Variants in CGAS observed in about 807,000 individuals in gnomAD.
The protein encoded by CGAS is cyclic GMP-AMP synthase.
In CGAS, 31 loss-of-function variants were observed where a neutral mutation model predicts 34.0. The ratio of observed to expected loss-of-function variants is 0.91; its 90% CI spans 0.69 to 1.23. The LOEUF (loss-of-function observed/expected upper bound fraction) is 1.23. Ranked by LOEUF, CGAS falls within the 50% of genes most tolerant of loss-of-function variation. The pLI, the probability that CGAS is intolerant of heterozygous loss-of-function variation, is 0.00. For synonymous variants in CGAS, 266 were observed against 260.0 expected, an observed-to-expected ratio of 1.02 and a Z score of -0.22; for missense variants, 597 against 657.6, an observed-to-expected ratio of 0.91 and a Z score of 1.01.
At chr6:73,444,256 G>A (rs1770430486) in intron 2 of CGAS, among the ~76,000 whole-genome samples, 1 of 151,860 alleles carries the variant, frequency 6.6e-6, no homozygotes, top group Non-Finnish European at 1.5e-5. Flanking sequence ...CCAAAGTGCT[G>A]GGATTACAGG....
At position 73,451,948 on chromosome 6, in the gene CGAS, C is replaced by T; in HGVS notation, c.234G>A (p.Gly78=). Residue 78 remains glycine (G), a synonymous_variant, in exon 1 of 5, where the codon GGG becomes GGA. Transcript: ENST00000370315. ...GCTGAGGGGCCTTTTTGGCGCGGGCCCCAGTTGCGCGGACGGGCGGCCTCT... is the reference window on the plus strand; with the variant it reads ...GCTGAGGGGCCTTTTTGGCGCGGGCTCCAGTTGCGCGGACGGGCGGCCTCT... The part of the protein sequence containing the change: ...TQERPPVRAT[G]ARAKKAPQRA... 1 of 1,491,862 alleles carries T rather than the reference C, an allele frequency of 6.7e-7. No individual in the cohort carries two copies. Among genetic ancestry groups the T allele is most frequent in the African/African-American group, 1.4e-5 (1 of 70,640 alleles). The allele number at this position is 1,491,862 out of a possible 1,614,324, so 92.4% of individuals were successfully genotyped here.
rs1322646569 is a variant in CGAS, at chr6:73,440,438, A to G, written c.885T>C (p.Asp295=). ...CTCCTCTTTTCCTCTTCATGATGAC[A>G]TCTGTATCTGGTTGAACATATAAAA... The part of the protein sequence containing the change: ...KEEINDIKDT[D]VIMKRKRGGS... Residue 295 remains aspartate (D), a synonymous_variant, in exon 3 of 5, where the codon GAT becomes GAC. Transcript: ENST00000370315. 6.2e-7 allele frequency: 1 copy of G among 1,610,094 alleles called. No individual in the cohort carries two copies. Among genetic ancestry groups the G allele is most frequent in the Non-Finnish European group, 8.5e-7 (1 of 1,177,534 alleles).
chr6:73,451,639 C>T lies in CGAS; in HGVS notation c.543G>A (p.Thr181=). 2 of 1,614,158 alleles carry T rather than the reference C, an allele frequency of 1.2e-6. No individual in the cohort carries two copies. The highest frequency in any genetic ancestry group is 1.7e-6 in the Non-Finnish European group (2 of 1,180,030). The part of the protein sequence containing the change: ...KLKLSRDDIS[T]AAGMVKGVVD... Reference sequence around the variant, plus strand: ...CAACCCCTTTCACCATCCCCGCCGCCGTGGAGATATCATCGCGGCTGAGCT... The same window carrying T: ...CAACCCCTTTCACCATCCCCGCCGCTGTGGAGATATCATCGCGGCTGAGCT... Residue 181 remains threonine, a synonymous_variant, in exon 1 of 5, where the codon ACG becomes ACA. Transcript: ENST00000370315.
rs575356584 is a variant in CGAS at position 73,442,404 on chromosome 6, C to CTTTTTTTT, written c.878-1967_878-1960dup. Among the ~76,000 whole-genome samples the CTTTTTTTT allele has an allele frequency of 3.6e-4, 50 of 140,780 alleles. 1 individual carries two copies. The highest frequency in any genetic ancestry group is 1.2e-3 in the African/African-American group (44 of 37,772). The allele number at this position is 140,780 out of a possible 152,430, so 92.4% of individuals were successfully genotyped here. A position where few individuals can be genotyped will look rare whatever the true frequency, so the allele number is the denominator to read the frequency against. On this transcript the variant is annotated intron_variant, in intron 2 of 4. Transcript: ENST00000370315. ...TCTTTCTGCTTCCTTCCAGCCCAAA[C>CTTTTTTTT]TTTTTTTTTTTTTTGAGACAGGGTC...
At chr6:73,428,832 CA>C in intron 3 of CGAS, 21 bp from the exon 4 acceptor site, 1 of 1,583,656 alleles carries the variant, frequency 6.3e-7, no homozygotes, top group Non-Finnish European at 8.6e-7. Context: ...AAAAGAAAAA[CA>C]AAAAAGCACT....
intron 3 of CGAS, 181 bp downstream of exon 3, chr6:73,440,015 GAGTATTTGATATT>G: frequency 1.9e-6 from 1 of 529,954 alleles, no homozygotes; most frequent in Non-Finnish European, 3.3e-6. Context: ...TTTTAAAGCT[GAGTATTTGATATT>G]AATACTACAA....
At chr6:73,437,748 A>G (rs77786312) in intron 3 of CGAS, among the ~76,000 whole-genome samples, 8,068 of 152,232 alleles carry the variant, frequency 0.053, 418 homozygotes, top group African/African-American at 0.13. Flanking sequence ...GCAACAGGTA[A>G]ATTTTTAAAA....
intron 2 of CGAS, 131 bp downstream of exon 2, chr6:73,445,397 C>G: frequency 2.0e-6 from 1 of 508,016 alleles, no homozygotes. Flanking sequence ...CACTCCTCTA[C>G]TGATGTTTCT....
chr6:73,446,944 T>G (rs1045795750), intron 1 of CGAS, among the ~76,000 whole-genome samples: 1 of 152,036 alleles, frequency 6.6e-6, no homozygotes, highest in Non-Finnish European at 1.5e-5. Context: ...TAGTTCCAGC[T>G]ACTCAGGAGG....
chr6:73,429,663 A>AAAC (rs75950364), intron 3 of CGAS, among the ~76,000 whole-genome samples: 76,762 of 151,314 alleles, frequency 0.51, 21,532 homozygotes, highest in Non-Finnish European at 0.65. Context: ...TGCCTCTACC[A>AAAC]AAAATACAAA....
rs1244665826 is a variant in CGAS, at chr6:73,440,340, C to T, written c.983G>A (p.Ser328Asn). The change falls in exon 3 of 5, where the codon AGT becomes AAT. Residue 328 changes from serine (S) to asparagine (N), a missense_variant. Ser to Asn is a conservative substitution (Grantham distance 46). This residue lies in a region of CGAS where 271 missense variants were observed against 324.1 expected (regional missense o/e 0.84). Coordinates refer to ENST00000370315, the MANE Select transcript of CGAS (RefSeq NM_138441.3). The part of the protein sequence containing the change: ...VDITLALESK[S>N]SWPASTQEGL... ...TTCTTGGGTGCTAGCAGGCCAGCTA[C>T]TTTTTGATTCCAAAGCCAGGGTTAT... is the stretch of plus-strand genomic sequence containing the variant. 3.7e-6 allele frequency: 6 copies of T among 1,614,044 alleles called. No homozygotes were observed. Among genetic ancestry groups the T allele is most frequent in the Non-Finnish European group, 5.1e-6 (6 of 1,180,046 alleles).
chr6:73,430,479 G>A (rs968818978), intron 3 of CGAS, among the ~76,000 whole-genome samples: 5 of 152,056 alleles, frequency 3.3e-5, no homozygotes, highest in East Asian at 3.9e-4. Context: ...GTGTGGTGGC[G>A]TGTGCCTACA....
At chr6:73,429,781 G>C (rs374008965) in intron 3 of CGAS, among the ~76,000 whole-genome samples, 19 of 151,816 alleles carry the variant, frequency 1.3e-4, no homozygotes, top group East Asian at 5.8e-4. Flanking sequence ...AGCGGAGATC[G>C]CGCCACTGCA....
chr6:73,443,135 A>C (rs1770411730), intron 2 of CGAS, among the ~76,000 whole-genome samples: 1 of 151,750 alleles, frequency 6.6e-6, no homozygotes, highest in African/African-American at 2.4e-5. Context: ...CAAAGAACAA[A>C]TCCATTGGAT....
intron 1 of CGAS, among the ~76,000 whole-genome samples, chr6:73,448,822 G>A (rs1252711752): frequency 2.0e-5 from 3 of 152,142 alleles, no homozygotes; most frequent in African/African-American, 7.2e-5. Flanking sequence ...GGGTGTAGTG[G>A]CTCACGCCTG....
At chr6:73,449,476 AACACACAC>A (rs144519687) in intron 1 of CGAS, among the ~76,000 whole-genome samples, 1 of 142,808 alleles carries the variant, frequency 7.0e-6, no homozygotes, top group East Asian at 2.2e-4. Flanking sequence ...CTCTGTCTCA[AACACACAC>A]ACACACACAC....
At chr6:73,431,614 A>T (rs1770196674) in intron 3 of CGAS, among the ~76,000 whole-genome samples, 1 of 152,186 alleles carries the variant, frequency 6.6e-6, no homozygotes, top group Non-Finnish European at 1.5e-5. Flanking sequence ...GAGTAAATTG[A>T]AGTAAATTGA....
chr6:73,428,682 T>C, intron 4 of CGAS, 27 bp downstream of exon 4: 2 of 1,588,936 alleles, frequency 1.3e-6, no homozygotes, highest in Non-Finnish European at 1.7e-6. Flanking sequence ...ATAGATAATC[T>C]GTCATTTAAC....
Position 73,449,178 on chromosome 6 carries a change from A to G in CGAS, c.657+2347T>C, listed in dbSNP as rs72960014. 4.8e-3 allele frequency among the ~76,000 whole-genome samples: 736 copies of G among 152,278 alleles called. 6 individuals are homozygous for G. The highest frequency in any genetic ancestry group is 7.4e-3 in the Non-Finnish European group (502 of 68,024). On this transcript the variant is annotated intron_variant, in intron 1 of 4. Coordinates refer to ENST00000370315, the MANE Select transcript of CGAS (RefSeq NM_138441.3). ...TTTCTTTTCATTGGCATAATTTTTA[A>G]AAACAAAGTGGTTCTGGGCTGGGCA...
Sources: allele counts gnomAD v4.1 joint callset (sites outside exome capture counted in the v4.1 genomes callset), GRCh38; gene constraint gnomAD v4.1.1; regional missense constraint gnomAD v4.1.1; transcripts MANE v1.5; gene names NCBI Gene and HGNC (gene_info 2026-07-23, HGNC 2026-07-21).